SYN3: variants seen among roughly 807,000 people sequenced by gnomAD.
SYN3 encodes the protein synapsin-3.
In SYN3, 35 loss-of-function variants were observed where a neutral mutation model predicts 65.8. The observed-to-expected ratio is 0.53, with a 90% CI of 0.41 to 0.70. The LOEUF is 0.70. Ranked by LOEUF, SYN3 falls within the 30% of genes least tolerant of loss-of-function variation. The pLI is 0.00. For synonymous variants in SYN3, 270 were observed against 292.9 expected (o/e 0.92, Z 0.80); for missense variants, 680 against 749.0 (o/e 0.91, Z 1.08).
chr22:32,539,832 G>A lies in SYN3; in HGVS notation c.918-1722C>T, dbSNP rs555886387. On this transcript the variant is annotated intron_variant, in intron 8 of 13. Transcript: ENST00000358763. Reference sequence around the variant, plus strand: ...GACAAGGTGTCGTCAATGTCAAGTGGAAGCTCAAACAATGAAGAGAGGAGG... The same window carrying A: ...GACAAGGTGTCGTCAATGTCAAGTGAAAGCTCAAACAATGAAGAGAGGAGG... Among the ~76,000 whole-genome samples, 859 of 152,174 alleles carry A rather than the reference G, an allele frequency of 5.6e-3. 3 individuals are homozygous for A. The highest frequency in any genetic ancestry group is 9.6e-3 in the Non-Finnish European group (656 of 68,000).
intron 6 of SYN3, among the ~76,000 whole-genome samples, chr22:32,634,933 A>G (rs1601807422): frequency 7.2e-6 from 1 of 138,352 alleles, no homozygotes; most frequent in African/African-American, 3.4e-5. Context: ...TTTTTTTTGC[A>G]ACTTTTTTTT....
At chr22:32,596,862 C>A in intron 6 of SYN3, 126 bp from the exon 7 acceptor site, 2 of 951,986 alleles carry the variant, frequency 2.1e-6, no homozygotes, top group South Asian at 1.6e-5. Flanking sequence ...AAGAATGCTT[C>A]GACAGATGGT....
At chr22:32,653,208 G>A (rs9621521) in intron 6 of SYN3, among the ~76,000 whole-genome samples, 15,652 of 151,320 alleles carry the variant, frequency 0.1, 2,301 homozygotes, top group African/African-American at 0.33. Context: ...TTATCAAATT[G>A]CTTTCCCATC....
intron 6 of SYN3, among the ~76,000 whole-genome samples, chr22:32,632,142 G>A (rs1037677164): frequency 6.6e-6 from 1 of 152,272 alleles, no homozygotes; most frequent in African/African-American, 2.4e-5. Context: ...CAGTATGTGA[G>A]TGGGCCTGCG....
intron 6 of SYN3, among the ~76,000 whole-genome samples, chr22:32,727,215 A>G (rs931053663): frequency 6.6e-6 from 1 of 151,874 alleles, no homozygotes; most frequent in Non-Finnish European, 1.5e-5. Flanking sequence ...TTCTGCCCCC[A>G]CTTATACGTG....
At chr22:32,730,570 A>G (rs2061257056) in intron 6 of SYN3, among the ~76,000 whole-genome samples, 1 of 152,144 alleles carries the variant, frequency 6.6e-6, no homozygotes, top group Admixed American at 6.6e-5. Context: ...TTCTCATCTC[A>G]CTTTTACAGA....
intron 3 of SYN3, among the ~76,000 whole-genome samples, chr22:32,978,388 G>A (rs2052271700): frequency 1.3e-5 from 2 of 152,138 alleles, no homozygotes; most frequent in African/African-American, 4.8e-5. Flanking sequence ...CATTGAGAGA[G>A]AGAATTAGGG....
intron 7 of SYN3, among the ~76,000 whole-genome samples, chr22:32,587,059 T>TA (rs1601701513): frequency 1.3e-5 from 2 of 151,638 alleles, no homozygotes; most frequent in African/African-American, 4.8e-5. Context: ...CCATCTCTAC[T>TA]AAAAATACAA....
rs149385511 is a variant in SYN3 at position 32,934,114 on chromosome 22, C to G, written c.370-2633G>C. On this transcript the variant is annotated intron_variant, in intron 3 of 13. Transcript: ENST00000358763. ...TAATGCCTTAAACATTCAGTCCCAT[C>G]ATGTTCAAGATTCTTAGTTGGCAAG... Among the ~76,000 whole-genome samples, 6 of 152,270 alleles carry G rather than the reference C, an allele frequency of 3.9e-5. No homozygotes were observed. The East Asian group carries it at 1.2e-3, about 29-fold the overall frequency.
At chr22:32,993,335 T>G (rs567092910) in intron 2 of SYN3, among the ~76,000 whole-genome samples, 16 of 152,284 alleles carry the variant, frequency 1.1e-4, no homozygotes, top group African/African-American at 3.8e-4. Flanking sequence ...CCATACATTT[T>G]CAATAAATCT....
At chr22:32,936,161 T>C (rs2050769941) in intron 3 of SYN3, among the ~76,000 whole-genome samples, 1 of 152,216 alleles carries the variant, frequency 6.6e-6, no homozygotes, top group African/African-American at 2.4e-5. Flanking sequence ...GACTTCTGCA[T>C]ATGGCAACAA....
chr22:32,968,059 G>T (rs1263814655), intron 3 of SYN3, among the ~76,000 whole-genome samples: 1 of 152,204 alleles, frequency 6.6e-6, no homozygotes, highest in Non-Finnish European at 1.5e-5. Flanking sequence ...CAAGTGGCTG[G>T]ACTAAGGTGG....
At chr22:32,988,624 T>C (rs1325267125) in intron 2 of SYN3, among the ~76,000 whole-genome samples, 1 of 152,004 alleles carries the variant, frequency 6.6e-6, no homozygotes, top group African/African-American at 2.4e-5. Flanking sequence ...ACACAGAGCA[T>C]TCACACAAAT....
In SYN3 at chr22:32,864,933, G is replaced by A. The variant is rs377467212; in HGVS notation, c.693C>T (p.Phe231=). The change falls in exon 6 of 14, where the codon TTC becomes TTT. Residue 231 remains phenylalanine (F), a synonymous_variant. Coordinates refer to ENST00000358763, the MANE Select transcript of SYN3 (RefSeq NM_003490.4). ...EKFPLVEQTF[F]PNHKPMVTAP... ...CACTCACCATTGGCTTATGGTTGGG[G>A]AAAAATGTTTGCTCCACAAGCGGGA... 1.4e-4 allele frequency: 222 copies of A among 1,613,990 alleles called. No homozygotes were observed. The highest frequency in any genetic ancestry group is 1.9e-4 in the Non-Finnish European group (219 of 1,179,970).
intron 7 of SYN3, among the ~76,000 whole-genome samples, chr22:32,557,038 T>G (rs1219678729): frequency 1.3e-5 from 2 of 152,150 alleles, no homozygotes; most frequent in African/African-American, 4.8e-5. Flanking sequence ...GTATAAACTC[T>G]GTTCAAGATA....
At chr22:32,736,274 G>A in intron 6 of SYN3, among the ~76,000 whole-genome samples, 1 of 152,222 alleles carries the variant, frequency 6.6e-6, no homozygotes, top group East Asian at 1.9e-4. Context: ...CAGATCCCAG[G>A]CAATCTCTTA....
intron 6 of SYN3, among the ~76,000 whole-genome samples, chr22:32,809,568 T>A (rs2046857202): frequency 6.6e-6 from 1 of 152,242 alleles, no homozygotes; most frequent in Non-Finnish European, 1.5e-5. Flanking sequence ...CAATAAGTTC[T>A]GTGTTTGGAA....
At chr22:32,621,336 C>T (rs1218720562) in intron 6 of SYN3, among the ~76,000 whole-genome samples, 2 of 150,464 alleles carry the variant, frequency 1.3e-5, no homozygotes, top group Admixed American at 6.6e-5. Context: ...CCTCGCTGAC[C>T]TGTGACTTCA....
intron 7 of SYN3, among the ~76,000 whole-genome samples, chr22:32,580,954 G>A (rs1299430508): frequency 6.6e-6 from 1 of 152,240 alleles, no homozygotes; most frequent in East Asian, 1.9e-4. Context: ...ATGAGAGCCT[G>A]CATTTTAACA....
Sources: gnomAD v4.1 joint callset for allele counts (sites outside exome capture counted in the v4.1 genomes callset) on GRCh38, gnomAD v4.1.1 for gene constraint, MANE v1.5 for transcripts, NCBI Gene and HGNC (gene_info 2026-07-23, HGNC 2026-07-21) for gene names.